Variants in NAV3 observed in about 807,000 individuals in gnomAD.
NAV3 encodes the protein neuron navigator 3, also known as pore membrane and/or filament interacting like protein 1.
In NAV3, 87 loss-of-function variants were observed where a neutral mutation model predicts 244.7. That is an observed-to-expected ratio of 0.36 (90% CI 0.30 to 0.42). NAV3 has a LOEUF of 0.42. Ranked by LOEUF, NAV3 falls within the 20% of genes least tolerant of loss-of-function variation. NAV3 has a pLI of 1.00. For missense variants in NAV3, 2,663 were observed against 2,893.3 expected (o/e 0.92, Z 1.83); for synonymous variants, 1,126 against 1,042.2 (o/e 1.08, Z -1.55).
At chr12:78,087,373 A>C (rs925169734) in intron 12 of NAV3, among the ~76,000 whole-genome samples, 3 of 152,048 alleles carry the variant, frequency 2.0e-5, no homozygotes, top group Non-Finnish European at 4.4e-5. Flanking sequence ...ATCCACATGA[A>C]TATTTTGTCC....
At chr12:77,823,573 A>T (rs919920210) in intron 2 of NAV3, among the ~76,000 whole-genome samples, 4 of 152,256 alleles carry the variant, frequency 2.6e-5, no homozygotes, top group African/African-American at 4.8e-5. Flanking sequence ...GTGCAAAATT[A>T]GCTCTAGGCA....
In NAV3 at chr12:78,050,928, G is replaced by C. The variant is rs1285342555; in HGVS notation, c.2297G>C (p.Ser766Thr). The change falls in exon 11 of 40, where the codon AGT becomes ACT. Residue 766 changes from serine to threonine, a missense_variant. Physicochemically the swap from Ser to Thr is moderately conservative, Grantham distance 58. Coordinates refer to ENST00000397909, the MANE Select transcript of NAV3 (RefSeq NM_001024383.2). ...TCCCTGGGTGCTGGCTATCCTCGCA[G>C]TGGTACCAGTCGATTCATCCACACA... ...APSLGAGYPRSGTSRFIHTDP... is the reference protein window; with the variant it reads ...APSLGAGYPRTGTSRFIHTDP... The C allele has an allele frequency of 1.2e-6, 2 of 1,614,022 alleles. No homozygotes were observed. The highest frequency in any genetic ancestry group is 1.7e-6 in the Non-Finnish European group (2 of 1,179,992).
Position 78,206,113 on chromosome 12 carries a change from A to C in NAV3, c.7038+975A>C, listed in dbSNP as rs1203060683. 2.0e-5 allele frequency among the ~76,000 whole-genome samples: 3 copies of C among 152,156 alleles called. No homozygotes were observed. In the East Asian group the frequency reaches 5.8e-4, roughly 29 times the overall value. Reference sequence around the variant, plus strand: ...CAAGATCCTTTACCCAGCAAAATGCATACACACTGAAAATTTGGCATACAA... The same window carrying C: ...CAAGATCCTTTACCCAGCAAAATGCCTACACACTGAAAATTTGGCATACAA... On this transcript the variant is annotated intron_variant, in intron 39 of 39. Coordinates refer to ENST00000397909, the MANE Select transcript of NAV3 (RefSeq NM_001024383.2).
intron 8 of NAV3, among the ~76,000 whole-genome samples, chr12:78,019,072 A>T (rs1490912948): frequency 6.6e-6 from 1 of 152,124 alleles, no homozygotes; most frequent in African/African-American, 2.4e-5. Flanking sequence ...CACAAGAGAG[A>T]ATGTATTTCC....
chr12:78,164,864 T>C (rs1593864539), intron 23 of NAV3, among the ~76,000 whole-genome samples: 1 of 152,200 alleles, frequency 6.6e-6, no homozygotes, highest in East Asian at 1.9e-4. Context: ...AGTTAGTTGA[T>C]GACACTTGAT....
chr12:77,686,468 A>G (rs529339593), intron 2 of NAV3, among the ~76,000 whole-genome samples: 7 of 139,710 alleles, frequency 5.0e-5, no homozygotes, highest in Middle Eastern at 3.6e-3. Context: ...GCTTTGTTCT[A>G]AAGTTGGTTT....
intron 2 of NAV3, among the ~76,000 whole-genome samples, chr12:77,648,359 G>A (rs1323790851): frequency 1.3e-5 from 2 of 150,024 alleles, no homozygotes; most frequent in Non-Finnish European, 2.9e-5. Flanking sequence ...TTGGGCTCTT[G>A]GTTGGAGACT....
chr12:77,819,724 A>G (rs1199669682), intron 2 of NAV3, among the ~76,000 whole-genome samples: 2 of 152,156 alleles, frequency 1.3e-5, no homozygotes, highest in South Asian at 2.1e-4. Flanking sequence ...GTTGATAATG[A>G]TACAAAATTT....
At chr12:77,859,733 C>A (rs1878946618) in intron 1 of NAV3, among the ~76,000 whole-genome samples, 4 of 57,770 alleles carry the variant, frequency 6.9e-5, no homozygotes, top group Admixed American at 2.6e-4. Context: ...AGCAGTAAAA[C>A]AAGCATTTCC....
At position 77,773,516 on chromosome 12, in the gene NAV3, A is replaced by G. The variant is rs574805948; in HGVS notation, c.73-166803A>G. 1.1e-4 allele frequency among the ~76,000 whole-genome samples: 17 copies of G among 152,266 alleles called. No homozygotes were observed. The South Asian group carries it at 3.3e-3, about 30-fold the overall frequency. ...GGAGATATACAACCTCTGGCTCAACATAGTAGAAAAAGAATTCTTGTCCTG... is the reference window on the plus strand; with the variant it reads ...GGAGATATACAACCTCTGGCTCAACGTAGTAGAAAAAGAATTCTTGTCCTG... On this transcript the variant is annotated intron_variant, in intron 2 of 8. Transcript: ENST00000550042.
intron 29 of NAV3, among the ~76,000 whole-genome samples, 178 bp downstream of exon 29, chr12:78,179,860 A>G (rs557002379): frequency 1.9e-4 from 29 of 152,240 alleles, no homozygotes; most frequent in African/African-American, 6.7e-4. Flanking sequence ...TGTCAAATCC[A>G]AGTTTGGAAG....
chr12:77,913,928 G>A (rs904605040), intron 1 of NAV3, among the ~76,000 whole-genome samples: 11 of 151,838 alleles, frequency 7.2e-5, no homozygotes, highest in African/African-American at 2.7e-4. Context: ...TTTTAAAAGC[G>A]CTGTGATGAG....
At chr12:78,105,668 CTTTTTCTGCATT>C (rs548216373) in intron 12 of NAV3, among the ~76,000 whole-genome samples, 136 of 151,958 alleles carry the variant, frequency 8.9e-4, no homozygotes, top group African/African-American at 3.1e-3. Context: ...TTTTAGCAAA[CTTTTTCTGCATT>C]TTATCTTTTT....
At chr12:78,044,871 G>A (rs1246270639) in intron 9 of NAV3, among the ~76,000 whole-genome samples, 2 of 152,184 alleles carry the variant, frequency 1.3e-5, no homozygotes, top group African/African-American at 4.8e-5. Context: ...CATGTCATCT[G>A]CAAACAGAGA....
At chr12:77,984,403 G>A (rs1368611280) in intron 5 of NAV3, among the ~76,000 whole-genome samples, 2 of 152,078 alleles carry the variant, frequency 1.3e-5, no homozygotes, top group Non-Finnish European at 2.9e-5. Flanking sequence ...GTGCAGGTGT[G>A]CAGGGTAATA....
intron 1 of NAV3, among the ~76,000 whole-genome samples, chr12:77,897,859 G>A (rs1360737027): frequency 6.6e-6 from 1 of 151,980 alleles, no homozygotes; most frequent in Non-Finnish European, 1.5e-5. Flanking sequence ...TATTTACCAT[G>A]GATTCTACTC....
chr12:78,140,481 A>G (rs985077244), intron 20 of NAV3, 147 bp downstream of exon 20: 1 of 687,714 alleles, frequency 1.5e-6, no homozygotes, highest in East Asian at 2.7e-5. Context: ...AAGCTGCCCA[A>G]TACCCAATAA....
intron 2 of NAV3, among the ~76,000 whole-genome samples, chr12:77,713,043 GA>G (rs1308203649): frequency 1.8e-4 from 27 of 152,154 alleles, no homozygotes; most frequent in Admixed American, 1.8e-3. Flanking sequence ...CTTAGGCCCA[GA>G]CCTCTGCAGC....
intron 12 of NAV3, among the ~76,000 whole-genome samples, chr12:78,110,018 A>G (rs1310797932): frequency 6.6e-6 from 1 of 152,050 alleles, no homozygotes; most frequent in Non-Finnish European, 1.5e-5. Flanking sequence ...CTCTTTGCTG[A>G]TGATATGGTT....
Sources: allele counts gnomAD v4.1 joint callset (sites outside exome capture counted in the v4.1 genomes callset), GRCh38; gene constraint gnomAD v4.1.1; transcripts MANE v1.5; gene names NCBI Gene and HGNC (gene_info 2026-07-23, HGNC 2026-07-21).